The following ATP5F1C variants were observed in gnomAD, a reference collection of about 807,000 sequenced individuals.
ATP5F1C encodes the protein ATP synthase F(1) complex subunit gamma, mitochondrial.
Under a neutral mutation model 37.4 loss-of-function variants are expected in ATP5F1C, and 22 were observed. The observed-to-expected ratio is 0.59, with a 90% CI of 0.42 to 0.84. ATP5F1C has a LOEUF of 0.84. Ranked by LOEUF, ATP5F1C falls within the 40% of genes least tolerant of loss-of-function variation. The pLI, the probability that ATP5F1C is intolerant of heterozygous loss-of-function variation, is 0.00. For synonymous variants in ATP5F1C, 121 were observed against 128.0 expected, an observed-to-expected ratio of 0.95 and a Z score of 0.37; for missense variants, 286 against 362.4, an observed-to-expected ratio of 0.79 and a Z score of 1.71.
intron 1 of ATP5F1C, among the ~76,000 whole-genome samples, chr10:7,793,293 A>G (rs1316334366): frequency 3.9e-5 from 6 of 152,090 alleles, no homozygotes; most frequent in Non-Finnish European, 7.4e-5. Context: ...TTGTATTTTT[A>G]GTAGAGACGG....
intron 3 of ATP5F1C, among the ~76,000 whole-genome samples, chr10:7,798,663 T>C (rs1424679688): frequency 6.6e-6 from 1 of 152,210 alleles, no homozygotes. Context: ...CCCAAAGTGC[T>C]GGGATTACAG....
At chr10:7,805,012 G>A (rs943889386) in intron 8 of ATP5F1C, among the ~76,000 whole-genome samples, 1 of 152,154 alleles carries the variant, frequency 6.6e-6, no homozygotes, top group Non-Finnish European at 1.5e-5. Context: ...CATCAGCCTC[G>A]CTATCCTAAG....
chr10:7,796,820 G>A (rs1244420), intron 2 of ATP5F1C: 120,063 of 334,046 alleles, frequency 0.36, 21,927 homozygotes, highest in South Asian at 0.44. Context: ...TCCTGACCTC[G>A]TGATCCGCCC....
At chr10:7,791,748 T>A (rs1466775881) in intron 1 of ATP5F1C, among the ~76,000 whole-genome samples, 2 of 152,228 alleles carry the variant, frequency 1.3e-5, no homozygotes, top group Non-Finnish European at 2.9e-5. Flanking sequence ...TTCAATTAGC[T>A]CATCACTGTT....
chr10:7,792,392 G>A (rs562006705), intron 1 of ATP5F1C, among the ~76,000 whole-genome samples: 3 of 152,008 alleles, frequency 2.0e-5, no homozygotes, highest in African/African-American at 4.8e-5. Context: ...TCTTCAAACC[G>A]CAAAAAACAA....
At chr10:7,799,322 A>G (rs1306558638) in intron 4 of ATP5F1C, 128 bp downstream of exon 4, 2 of 820,504 alleles carry the variant, frequency 2.4e-6, no homozygotes, top group Non-Finnish European at 1.9e-6. Context: ...CTTTTTTGGT[A>G]TATTCACAAG....
At chr10:7,793,196 C>T (rs532709475) in intron 1 of ATP5F1C, among the ~76,000 whole-genome samples, 86 of 152,352 alleles carry the variant, frequency 5.6e-4, no homozygotes, top group African/African-American at 2.0e-3. Flanking sequence ...ACCACAACCT[C>T]CACCTCCTGG....
chr10:7,788,635 A>G (rs1254519666), intron 1 of ATP5F1C, among the ~76,000 whole-genome samples: 1 of 152,156 alleles, frequency 6.6e-6, no homozygotes, highest in Non-Finnish European at 1.5e-5. Flanking sequence ...CAGGGCCTGC[A>G]AGGTGACGGG....
At chr10:7,802,523 A>G in intron 7 of ATP5F1C, 98 bp downstream of exon 7, 1 of 1,380,264 alleles carries the variant, frequency 7.2e-7, no homozygotes, top group Non-Finnish European at 9.9e-7. Context: ...CATCAACAAC[A>G]TTAACATGAT....
intron 1 of ATP5F1C, among the ~76,000 whole-genome samples, chr10:7,790,787 TCCC>T (rs898705276): frequency 2.6e-5 from 4 of 152,178 alleles, no homozygotes; most frequent in African/African-American, 9.7e-5. Flanking sequence ...TCAGTGTCTG[TCCC>T]ACCAGTTCCT....
chr10:7,805,986 T>G (rs1033500338), intron 8 of ATP5F1C, among the ~76,000 whole-genome samples: 1 of 152,010 alleles, frequency 6.6e-6, no homozygotes, highest in Non-Finnish European at 1.5e-5. Context: ...CTCAGGAAAT[T>G]GAGGCAGGAG....
chr10:7,802,681 A>G, intron 7 of ATP5F1C, 77 bp from the exon 8 acceptor site: 1 of 1,453,170 alleles, frequency 6.9e-7, no homozygotes, highest in South Asian at 1.3e-5. Context: ...CTTTTAAATT[A>G]AGCAACAGAA....
chr10:7,804,575 C>G (rs1321960224), intron 8 of ATP5F1C, among the ~76,000 whole-genome samples: 1 of 152,208 alleles, frequency 6.6e-6, no homozygotes, highest in Non-Finnish European at 1.5e-5. Flanking sequence ...GAAAACACTC[C>G]TTCCTTCAGT....
At chr10:7,798,193 T>G (rs1238946768) in intron 3 of ATP5F1C, among the ~76,000 whole-genome samples, 1 of 151,046 alleles carries the variant, frequency 6.6e-6, no homozygotes, top group East Asian at 1.9e-4. Flanking sequence ...CCTTTGTTTT[T>G]TTATGTGTGT....
intron 2 of ATP5F1C, 125 bp from the exon 3 acceptor site, chr10:7,796,922 G>C (rs912329907): frequency 8.4e-6 from 9 of 1,075,946 alleles, no homozygotes; most frequent in African/African-American, 4.8e-5. Flanking sequence ...GTTTAGCATC[G>C]TGCTGTTTAT....
At chr10:7,791,251 G>A (rs527954609) in intron 1 of ATP5F1C, among the ~76,000 whole-genome samples, 1 of 152,042 alleles carries the variant, frequency 6.6e-6, no homozygotes, top group South Asian at 2.1e-4. Context: ...AGTGAGCTGA[G>A]ATCGTGCCAC....
chr10:7,800,149 A>G (rs945663469), intron 6 of ATP5F1C, 58 bp downstream of exon 6: 54 of 1,483,882 alleles, frequency 3.6e-5, no homozygotes, highest in South Asian at 8.0e-5. Flanking sequence ...AGATTTGTAC[A>G]CTAAGGCAGA....
intron 1 of ATP5F1C, among the ~76,000 whole-genome samples, chr10:7,789,840 T>A (rs1398104058): frequency 6.6e-6 from 1 of 152,222 alleles, no homozygotes; most frequent in Non-Finnish European, 1.5e-5. Context: ...AAAGCACCTG[T>A]AAGATAATTT....
rs1037969000 is a variant in ATP5F1C, at chr10:7,802,369, C to T, written c.737C>T (p.Thr246Ile). The T allele has an allele frequency of 1.9e-6, 3 of 1,613,962 alleles. No homozygotes were observed. The highest frequency in any genetic ancestry group is 2.2e-5 in the East Asian group (1 of 44,892). ...ATCTACTACTCTCTGAAGGAGTCCA[C>T]CACTAGTGAGCAGAGTGCCAGGATG... ...NIIYYSLKES[T>I]TSEQSARMTA... The change falls in exon 7 of 10, where the codon ACC becomes ATC. Residue 246 changes from threonine (T) to isoleucine (I), a missense_variant. Thr to Ile is a moderately conservative substitution (Grantham distance 89). Coordinates refer to ENST00000356708, the MANE Select transcript of ATP5F1C (RefSeq NM_001001973.3).
Sources: gnomAD v4.1 joint callset for allele counts (sites outside exome capture counted in the v4.1 genomes callset) on GRCh38, gnomAD v4.1.1 for gene constraint, MANE v1.5 for transcripts, NCBI Gene and HGNC (gene_info 2026-07-23, HGNC 2026-07-21) for gene names.